Variants in CTNND2 observed in about 807,000 individuals in gnomAD.
CTNND2 encodes catenin delta 2.
In CTNND2, 22 loss-of-function variants were observed where a neutral mutation model predicts 144.4. The ratio of observed to expected loss-of-function variants is 0.15; its 90% CI spans 0.11 to 0.22. The LOEUF is 0.22. CTNND2 is among the 10% of genes least tolerant of loss of function. The pLI is 1.00. For missense variants in CTNND2, 1,353 were observed against 1,618.8 expected, an observed-to-expected ratio of 0.84 and a Z score of 2.82; for synonymous variants, 751 against 695.6, an observed-to-expected ratio of 1.08 and a Z score of -1.25.
At chr5:11,692,785 A>C (rs1784967371) in intron 2 of CTNND2, among the ~76,000 whole-genome samples, 1 of 152,192 alleles carries the variant, frequency 6.6e-6, no homozygotes, top group African/African-American at 2.4e-5. Flanking sequence ...TATTTTTAGT[A>C]GAGACGGGGT....
chr5:11,290,794 C>A lies in CTNND2; in HGVS notation c.1629-53971G>T, dbSNP rs527650883. Reference sequence around the variant, plus strand: ...AAAAGAGATGAAGCAAAATCTGAGTCTTTTTAAAAAACTCTGATGGTTTTA... The same window carrying A: ...AAAAGAGATGAAGCAAAATCTGAGTATTTTTAAAAAACTCTGATGGTTTTA... On this transcript the variant is annotated intron_variant, in intron 9 of 21. Transcript: ENST00000304623. Among the ~76,000 whole-genome samples, 9 of 152,186 alleles carry A rather than the reference C, an allele frequency of 5.9e-5. No homozygotes were observed. The South Asian group carries it at 1.9e-3, about 32-fold the overall frequency.
chr5:11,561,857 C>T (rs1475033675), intron 3 of CTNND2, among the ~76,000 whole-genome samples: 1 of 152,122 alleles, frequency 6.6e-6, no homozygotes, highest in Non-Finnish European at 1.5e-5. Context: ...GCCTGGCCAA[C>T]ATGGTGAAAC....
At position 11,671,163 on chromosome 5, in the gene CTNND2, A is replaced by G. The variant is rs571816460; in HGVS notation, c.174+60973T>C. ...GAGATCCGCTGTTAGTCTGATGGGC[A>G]TTCCTTTGTGGGTAACCTGACCTTT... is the stretch of plus-strand genomic sequence containing the variant. On this transcript the variant is annotated intron_variant, in intron 2 of 21. Transcript: ENST00000304623. Among the ~76,000 whole-genome samples the G allele has an allele frequency of 5.9e-5, 9 of 152,250 alleles. No homozygotes were observed. The South Asian group carries it at 6.2e-4, about 11-fold the overall frequency.
intron 1 of CTNND2, among the ~76,000 whole-genome samples, chr5:11,783,816 T>C (rs1309612073): frequency 2.6e-5 from 4 of 152,176 alleles, no homozygotes; most frequent in Admixed American, 6.5e-5. Context: ...ATTCCTACTT[T>C]CCTTCCCAGA....
At chr5:11,263,939 T>A (rs1489954237) in intron 9 of CTNND2, among the ~76,000 whole-genome samples, 1 of 152,176 alleles carries the variant, frequency 6.6e-6, no homozygotes, top group African/African-American at 2.4e-5. Flanking sequence ...CTGGACAAGG[T>A]CTTTCTTTCC....
intron 3 of CTNND2, among the ~76,000 whole-genome samples, chr5:11,427,895 GA>G (rs892473357): frequency 2.0e-5 from 3 of 152,070 alleles, no homozygotes; most frequent in African/African-American, 7.2e-5. Flanking sequence ...AGACTGGGAG[GA>G]AAAAGAGGTT....
chr5:11,702,052 C>T (rs1315133032), intron 2 of CTNND2, among the ~76,000 whole-genome samples: 1 of 152,164 alleles, frequency 6.6e-6, no homozygotes, highest in Non-Finnish European at 1.5e-5. Context: ...CCTCAACCAT[C>T]GCTCTGAGAA....
intron 2 of CTNND2, among the ~76,000 whole-genome samples, chr5:11,610,300 C>T (rs772491505): frequency 1.3e-5 from 2 of 152,180 alleles, no homozygotes; most frequent in African/African-American, 4.8e-5. Context: ...AGCTTCATCT[C>T]GCCTCATACA....
At chr5:11,106,960 G>A (rs945735976) in intron 14 of CTNND2, among the ~76,000 whole-genome samples, 2 of 152,082 alleles carry the variant, frequency 1.3e-5, no homozygotes, top group African/African-American at 4.8e-5. Context: ...GTGACCATGG[G>A]GAGGAAGGCA....
intron 2 of CTNND2, among the ~76,000 whole-genome samples, chr5:11,584,943 A>G (rs1378139247): frequency 6.6e-6 from 1 of 152,240 alleles, no homozygotes; most frequent in Non-Finnish European, 1.5e-5. Context: ...TTAGTATTTT[A>G]GAAATTATAT....
rs1417823958 is a variant in CTNND2 at position 11,698,125 on chromosome 5, G to A, written c.174+34011C>T. Among the ~76,000 whole-genome samples the A allele has an allele frequency of 2.0e-5, 3 of 152,058 alleles. No individual in the cohort carries two copies. In the East Asian group the frequency reaches 5.8e-4, roughly 29 times the overall value. On this transcript the variant is annotated intron_variant, in intron 2 of 21. Coordinates refer to ENST00000304623, the MANE Select transcript of CTNND2 (RefSeq NM_001332.4). ...TCCATTGAAGATCAAGAACAAAGGT[G>A]GCTTAGACCAGAGTAAATGCTGCAG...
chr5:11,155,649 C>T (rs1054868089), intron 12 of CTNND2, among the ~76,000 whole-genome samples: 3 of 152,116 alleles, frequency 2.0e-5, no homozygotes, highest in African/African-American at 7.2e-5. Context: ...CCTCCCCATG[C>T]CGCTTGGCCT....
intron 2 of CTNND2, among the ~76,000 whole-genome samples, chr5:11,703,334 C>T (rs1785540686): frequency 6.6e-6 from 1 of 152,124 alleles, no homozygotes; most frequent in Non-Finnish European, 1.5e-5. Flanking sequence ...GAGGTTTGAT[C>T]TATTTGGTGG....
At chr5:10,997,373 C>A (rs969669037) in intron 18 of CTNND2, among the ~76,000 whole-genome samples, 2 of 152,114 alleles carry the variant, frequency 1.3e-5, no homozygotes, top group African/African-American at 4.8e-5. Flanking sequence ...GCGGGCAGAT[C>A]ACGAGGTCAA....
chr5:11,377,428 A>T (rs573579941), intron 7 of CTNND2, among the ~76,000 whole-genome samples: 11 of 152,206 alleles, frequency 7.2e-5, no homozygotes, highest in African/African-American at 2.6e-4. Context: ...GTGTCCGGGA[A>T]ATAGGGGAAA....
chr5:11,766,914 A>C (rs948047476), intron 1 of CTNND2, among the ~76,000 whole-genome samples: 2 of 152,178 alleles, frequency 1.3e-5, no homozygotes, highest in Non-Finnish European at 2.9e-5. Context: ...AAAGAGAACC[A>C]GGAAACTGAT....
At position 11,732,166 on chromosome 5, in the gene CTNND2, G is replaced by A; in HGVS notation, c.144C>T (p.Thr48=). 1 of 1,613,956 alleles carries A rather than the reference G, an allele frequency of 6.2e-7. No homozygotes were observed. Among genetic ancestry groups the A allele is most frequent in the South Asian group, 1.1e-5 (1 of 91,066 alleles). Residue 48 remains threonine, a synonymous_variant, in exon 2 of 22, where the codon ACC becomes ACT. Transcript: ENST00000304623. ...SNGDGSETET[T]SAILASVKEQ... is the part of the protein sequence containing the mutation. ...CTTTGACTGAGGCGAGGATGGCAGA[G>A]GTGGTTTCTGTTTCAGAGCCATCCC... is the stretch of plus-strand genomic sequence containing the variant.
chr5:11,478,383 C>A (rs1767956067), intron 3 of CTNND2, among the ~76,000 whole-genome samples: 1 of 152,208 alleles, frequency 6.6e-6, no homozygotes, highest in Non-Finnish European at 1.5e-5. Flanking sequence ...TTGCTCATGT[C>A]CCTTGCACTT....
chr5:11,066,706 C>T (rs908378413), intron 16 of CTNND2, among the ~76,000 whole-genome samples: 6 of 152,248 alleles, frequency 3.9e-5, no homozygotes, highest in East Asian at 1.9e-4. Context: ...TGACTCTTTT[C>T]GTTGACACCT....
Sources: gnomAD v4.1 joint callset for allele counts (sites outside exome capture counted in the v4.1 genomes callset) on GRCh38, gnomAD v4.1.1 for gene constraint, MANE v1.5 for transcripts, NCBI Gene and HGNC (gene_info 2026-07-23, HGNC 2026-07-21) for gene names.